PAPOLG: variants seen among roughly 807,000 people sequenced by gnomAD.
PAPOLG encodes the protein PAP-gamma.
In PAPOLG, 40 loss-of-function variants were observed where a neutral mutation model predicts 99.0. The observed-to-expected ratio is 0.40, with a 90% CI of 0.31 to 0.53. The LOEUF (loss-of-function observed/expected upper bound fraction) is 0.53. Among genes scored for constraint, PAPOLG ranks in the 20% least tolerant of loss-of-function variants. The pLI, the probability that PAPOLG is intolerant of heterozygous loss-of-function variation, is 0.41. For synonymous variants in PAPOLG, 310 were observed against 299.3 expected (o/e 1.04, Z -0.37); for missense variants, 675 against 884.1 (o/e 0.76, Z 3.00).
intron 15 of PAPOLG, 67 bp downstream of exon 15, chr2:60,787,687 A>G: frequency 6.4e-7 from 1 of 1,561,692 alleles, no homozygotes; most frequent in Non-Finnish European, 8.7e-7. Flanking sequence ...ATCTGCCTAC[A>G]ATCTGGCTGG....
Position 60,793,691 on chromosome 2 carries a change from C to G in PAPOLG, c.1744C>G (p.Leu582Val). The change falls in exon 18 of 22, where the codon CTT (leucine) becomes GTT (valine). Residue 582 changes from leucine to valine, a missense_variant. Transcript: ENST00000238714. ...ACTGAGTGTACCACCAGCCCAAGGA[C>G]TTTCCATTCCAGTGATTGGCGCAAG... ...KPLSVPPAQG[L>V]SIPVIGAKVD... The G allele has an allele frequency of 6.2e-7, 1 of 1,613,354 alleles. No homozygotes were observed. The highest frequency in any genetic ancestry group is 8.5e-7 in the Non-Finnish European group (1 of 1,179,540).
intron 1 of PAPOLG, among the ~76,000 whole-genome samples, chr2:60,757,967 GTAGT>G (rs1670398204): frequency 6.6e-6 from 1 of 152,226 alleles, no homozygotes; most frequent in Non-Finnish European, 1.5e-5. Context: ...CAGAGCTGAA[GTAGT>G]TAGAGAGGAG....
chr2:60,794,110 T>C lies in PAPOLG; in HGVS notation c.1908T>C (p.Asn636=), dbSNP rs767733696. Residue 636 remains asparagine, a synonymous_variant, in exon 19 of 22, where the codon AAT becomes AAC. Transcript: ENST00000238714. ...AACCGCATCTGAATGGAATGTCAAA[T>C]ATAACTAAGACTGTTACACCTAAGA... The part of the protein sequence containing the change: ...QGQPHLNGMS[N]ITKTVTPKRS... 6.2e-7 allele frequency: 1 copy of C among 1,614,072 alleles called. No homozygotes were observed. The highest frequency in any genetic ancestry group is 8.5e-7 in the Non-Finnish European group (1 of 1,179,952).
In PAPOLG at chr2:60,760,156, C is replaced by T. The variant is rs767773077; in HGVS notation, c.40C>T (p.Arg14Cys). The T allele has an allele frequency of 3.1e-6, 5 of 1,613,946 alleles. No homozygotes were observed. The highest frequency in any genetic ancestry group is 1.1e-5 in the South Asian group (1 of 91,066). ...CAGAAACACCGTGCTGGACAGCCAG[C>T]GTCAACAAAAGCATTATGGAATTAC... ...MSANTVLDSQ[R>C]QQKHYGITSP... The change falls in exon 2 of 22, where the codon CGT (arginine) becomes TGT (cysteine). Residue 14 changes from arginine to cysteine, a missense_variant. Coordinates refer to ENST00000238714, the MANE Select transcript of PAPOLG (RefSeq NM_022894.4).
chr2:60,762,294 A>G (rs1396181110), intron 3 of PAPOLG, among the ~76,000 whole-genome samples: 3 of 152,022 alleles, frequency 2.0e-5, no homozygotes, highest in Non-Finnish European at 4.4e-5. Flanking sequence ...CCTAAGACAT[A>G]GGAATTTGCA....
At chr2:60,780,920 G>A (rs1481664018) in intron 10 of PAPOLG, 141 bp downstream of exon 10, 2 of 683,618 alleles carry the variant, frequency 2.9e-6, no homozygotes, top group South Asian at 1.9e-5. Context: ...TTCTGCTGTG[G>A]TTTTTGTTTT....
chr2:60,792,353 A>C, intron 17 of PAPOLG, 64 bp downstream of exon 17: 1 of 1,383,988 alleles, frequency 7.2e-7, no homozygotes, highest in Non-Finnish European at 1.0e-6. Flanking sequence ...GATAATGTGA[A>C]CTTTTCTATA....
chr2:60,786,150 TTAAA>T lies in PAPOLG; in HGVS notation c.1167-796_1167-793del, dbSNP rs1036653744. Among the ~76,000 whole-genome samples the T allele has an allele frequency of 2.4e-4, 36 of 152,178 alleles. 1 individual carries two copies. Among genetic ancestry groups the T allele is most frequent in the African/African-American group, 8.4e-4 (35 of 41,450 alleles). On this transcript the variant is annotated intron_variant, in intron 13 of 21. Transcript: ENST00000238714. ...GTTTACTTGAGTGTAGCTTTCATAT[TTAAA>T]GTTGATATAAAATCAATTGTGTTTA...
At position 60,801,615 on chromosome 2, in the gene PAPOLG, T is replaced by C. The variant is rs1671834003; in HGVS notation, c.*4455T>C. 1 of 152,138 alleles carries C rather than the reference T, an allele frequency of 6.6e-6. No homozygotes were observed. Among genetic ancestry groups the C allele is most frequent in the African/African-American group, 2.4e-5 (1 of 41,406 alleles). 9.4% of individuals were successfully genotyped at this position (152,138 alleles called of 1,614,324 possible). Reference sequence around the variant, plus strand: ...CCCGCCACCATGTGGGCCTGGCTAATTTTTGTAGAGATGGGGTTTCAACAT... The same window carrying C: ...CCCGCCACCATGTGGGCCTGGCTAACTTTTGTAGAGATGGGGTTTCAACAT... On this transcript the variant is annotated 3_prime_UTR_variant, in exon 22 of 22. Transcript: ENST00000238714.
rs1286768475 is a variant in PAPOLG, at chr2:60,793,677, C to T, written c.1730C>T (p.Pro577Leu). ...ATTGTGGAGAAGCCACTGAGTGTAC[C>T]ACCAGCCCAAGGACTTTCCATTCCA... The part of the protein sequence containing the change: ...AVIVEKPLSV[P>L]PAQGLSIPVI... The change falls in exon 18 of 22, where the codon CCA becomes CTA. Residue 577 changes from proline to leucine, a missense_variant. By Grantham distance (98) the Pro-to-Leu change is moderately conservative. Coordinates refer to ENST00000238714, the MANE Select transcript of PAPOLG (RefSeq NM_022894.4). 2 of 1,613,812 alleles carry T rather than the reference C, an allele frequency of 1.2e-6. No individual in the cohort carries two copies.
chr2:60,758,923 G>GC (rs1670439795), intron 1 of PAPOLG, among the ~76,000 whole-genome samples: 1 of 152,160 alleles, frequency 6.6e-6, no homozygotes, highest in African/African-American at 2.4e-5. Context: ...GGTGTTAATG[G>GC]CCCTTCATGG....
intron 13 of PAPOLG, among the ~76,000 whole-genome samples, chr2:60,785,006 T>A (rs1448019027): frequency 6.6e-6 from 1 of 152,250 alleles, no homozygotes; most frequent in African/African-American, 2.4e-5. Flanking sequence ...ATGTTTCTAA[T>A]TCATAAAGTC....
At chr2:60,786,438 C>T (rs1170815983) in intron 13 of PAPOLG, among the ~76,000 whole-genome samples, 1 of 152,070 alleles carries the variant, frequency 6.6e-6, no homozygotes, top group African/African-American at 2.4e-5. Context: ...ACCATGTTGG[C>T]CAGGCTGGTC....
At chr2:60,773,865 G>C (rs189048281) in intron 7 of PAPOLG, among the ~76,000 whole-genome samples, 30 of 152,306 alleles carry the variant, frequency 2.0e-4, no homozygotes, top group African/African-American at 7.2e-4. Context: ...TAGTTGAACT[G>C]AGAGGTTCCT....
intron 7 of PAPOLG, 46 bp from the exon 8 acceptor site, chr2:60,774,988 T>C (rs1670973489): frequency 6.2e-7 from 1 of 1,608,682 alleles, no homozygotes; most frequent in East Asian, 2.2e-5. Flanking sequence ...TTGAATTAAC[T>C]GAGAATTTGC....
At chr2:60,785,466 A>G (rs552054376) in intron 13 of PAPOLG, among the ~76,000 whole-genome samples, 1 of 152,188 alleles carries the variant, frequency 6.6e-6, no homozygotes, top group East Asian at 1.9e-4. Flanking sequence ...AAAGTCAAGC[A>G]TGATTGTTTC....
chr2:60,794,065 T>G lies in PAPOLG; in HGVS notation c.1863T>G (p.Pro621=), dbSNP rs770727246. The part of the protein sequence containing the change: ...GRNVIPRITT[P]HNPAQGQPHL... ...ATGTCATTCCTAGAATCACAACACCTCACAACCCTGCCCAGGGACAACCGC... is the reference window on the plus strand; with the variant it reads ...ATGTCATTCCTAGAATCACAACACCGCACAACCCTGCCCAGGGACAACCGC... Residue 621 remains proline (P), a synonymous_variant, in exon 19 of 22, where the codon CCT becomes CCG. Coordinates refer to ENST00000238714, the MANE Select transcript of PAPOLG (RefSeq NM_022894.4). 1 of 1,614,012 alleles carries G rather than the reference T, an allele frequency of 6.2e-7. No homozygotes were observed. Among genetic ancestry groups the G allele is most frequent in the Admixed American group, 1.7e-5 (1 of 60,002 alleles).
chr2:60,788,126 C>T (rs191946060), intron 15 of PAPOLG, among the ~76,000 whole-genome samples: 1 of 151,680 alleles, frequency 6.6e-6, no homozygotes, highest in Non-Finnish European at 1.5e-5. Flanking sequence ...ACACTGTGTA[C>T]ACTGTGCTAT....
At chr2:60,791,973 A>G (rs1322328668) in intron 16 of PAPOLG, 91 bp downstream of exon 16, 30 of 1,491,178 alleles carry the variant, frequency 2.0e-5, no homozygotes, top group Non-Finnish European at 2.7e-5. Flanking sequence ...AAACCTATTG[A>G]GAAAAATAAG....
Sources: allele counts gnomAD v4.1 joint callset (sites outside exome capture counted in the v4.1 genomes callset), GRCh38; gene constraint gnomAD v4.1.1; transcripts MANE v1.5; gene names NCBI Gene and HGNC (gene_info 2026-07-23, HGNC 2026-07-21).